The following ITGA4 variants were observed in gnomAD, a reference collection of about 807,000 sequenced individuals.
The protein encoded by ITGA4 is integrin alpha-4.
A neutral mutation model predicts 133.6 loss-of-function variants in ITGA4; 63 were observed. That is an observed-to-expected ratio of 0.47 (90% CI 0.38 to 0.58). ITGA4 has a LOEUF of 0.58. Among genes scored for constraint, ITGA4 ranks in the 20% least tolerant of loss-of-function variants. ITGA4 has a pLI of 0.00. For missense variants in ITGA4, 1,076 were observed against 1,252.7 expected (o/e 0.86, Z 2.13); for synonymous variants, 483 against 438.0 (o/e 1.10, Z -1.28).
chr2:181,502,026 CAGAGG>C (rs939945747), intron 15 of ITGA4, among the ~76,000 whole-genome samples: 13 of 151,830 alleles, frequency 8.6e-5, no homozygotes, highest in African/African-American at 3.1e-4. Context: ...AAGAGGCCCA[CAGAGG>C]AGATAAGAAG....
At chr2:181,488,659 T>C (rs371410813) in intron 10 of ITGA4, among the ~76,000 whole-genome samples, 381 of 151,840 alleles carry the variant, frequency 2.5e-3, no homozygotes, top group East Asian at 0.018. Flanking sequence ...CCCGGGTTCA[T>C]GCCATTCTCC....
intron 2 of ITGA4, among the ~76,000 whole-genome samples, chr2:181,466,104 G>A (rs913977311): frequency 6.6e-6 from 1 of 151,980 alleles, no homozygotes; most frequent in African/African-American, 2.4e-5. Flanking sequence ...CGTTTTCTGT[G>A]GGATTTTGAA....
At chr2:181,488,781 A>G (rs1283055027) in intron 10 of ITGA4, among the ~76,000 whole-genome samples, 2 of 152,078 alleles carry the variant, frequency 1.3e-5, no homozygotes, top group Non-Finnish European at 2.9e-5. Flanking sequence ...GATGGTCTCT[A>G]TCTCCTGACC....
intron 21 of ITGA4, among the ~76,000 whole-genome samples, chr2:181,526,513 A>G (rs1686832402): frequency 6.6e-6 from 1 of 152,210 alleles, no homozygotes; most frequent in Non-Finnish European, 1.5e-5. Flanking sequence ...CTTGTATTGT[A>G]ACAAAAAATT....
chr2:181,472,852 T>C (rs1470378931), intron 2 of ITGA4, among the ~76,000 whole-genome samples: 2 of 152,176 alleles, frequency 1.3e-5, no homozygotes, highest in Non-Finnish European at 2.9e-5. Flanking sequence ...CATCCCTTCC[T>C]TTCTCAAGTT....
intron 2 of ITGA4, among the ~76,000 whole-genome samples, chr2:181,464,943 AATC>A (rs1394483410): frequency 6.6e-6 from 1 of 152,170 alleles, no homozygotes; most frequent in Admixed American, 6.6e-5. Context: ...AATTTTTAAA[AATC>A]ATAGAAAATC....
rs567050177 is a variant in ITGA4, at chr2:181,535,707, G to A, written c.*180G>A. The A allele has an allele frequency of 1.5e-6, 1 of 652,514 alleles. No individual in the cohort carries two copies. The highest frequency in any genetic ancestry group is 3.0e-5 in the South Asian group (1 of 32,974). 40.4% of individuals were successfully genotyped at this position (652,514 alleles called of 1,614,324 possible). A position where few individuals can be genotyped will look rare whatever the true frequency, so the allele number is the denominator to read the frequency against. On this transcript the variant is annotated 3_prime_UTR_variant, in exon 28 of 28. Coordinates refer to ENST00000397033, the MANE Select transcript of ITGA4 (RefSeq NM_000885.6). ...GCAATGATTACTCTTTGAGATAGAA[G>A]AACTGCAAAGGTAATAATACAGCCA...
intron 16 of ITGA4, among the ~76,000 whole-genome samples, chr2:181,511,226 C>A (rs1686501038): frequency 6.6e-6 from 1 of 151,908 alleles, no homozygotes. Flanking sequence ...TAATTTTGTT[C>A]AATATTTCCT....
intron 2 of ITGA4, among the ~76,000 whole-genome samples, chr2:181,465,658 T>C (rs1050337279): frequency 6.6e-6 from 1 of 152,188 alleles, no homozygotes; most frequent in South Asian, 2.1e-4. Flanking sequence ...TATTTTCTAA[T>C]GTTAGAGGTT....
At chr2:181,500,956 G>A (rs1239775857) in intron 15 of ITGA4, among the ~76,000 whole-genome samples, 1 of 152,172 alleles carries the variant, frequency 6.6e-6, no homozygotes, top group Non-Finnish European at 1.5e-5. Flanking sequence ...GTACAGAAAT[G>A]TGCAGTGCTG....
intron 2 of ITGA4, among the ~76,000 whole-genome samples, chr2:181,473,264 T>A (rs1311598520): frequency 2.0e-5 from 3 of 152,268 alleles, no homozygotes; most frequent in African/African-American, 7.2e-5. Context: ...GTCAGATCAG[T>A]GGTGGCATTA....
chr2:181,528,461 G>T (rs1686877777), intron 22 of ITGA4, among the ~76,000 whole-genome samples: 1 of 152,192 alleles, frequency 6.6e-6, no homozygotes, highest in Non-Finnish European at 1.5e-5. Context: ...TGTAGTGACT[G>T]GCACTGGAGA....
At chr2:181,517,848 T>C (rs1240442323) in intron 17 of ITGA4, among the ~76,000 whole-genome samples, 1 of 152,086 alleles carries the variant, frequency 6.6e-6, no homozygotes, top group African/African-American at 2.4e-5. Flanking sequence ...ATGCAGTGCT[T>C]TCACCTTCTG....
rs1685181971 is a variant in ITGA4, at chr2:181,458,266, A to G, written c.268A>G (p.Arg90Gly). Residue 90 changes from arginine (R) to glycine (G), a missense_variant, in exon 2 of 28, where the codon AGA becomes GGA. Coordinates refer to ENST00000397033, the MANE Select transcript of ITGA4 (RefSeq NM_000885.6). ...ASVINPGAIY[R>G]CRIGKNPGQT... is the part of the protein sequence containing the mutation. ...AGTGATCAATCCCGGGGCGATTTACAGATGCAGGATCGGAAAGAATCCCGG... is the reference window on the plus strand; with the variant it reads ...AGTGATCAATCCCGGGGCGATTTACGGATGCAGGATCGGAAAGAATCCCGG... The G allele has an allele frequency of 6.2e-7, 1 of 1,613,316 alleles. No individual in the cohort carries two copies. Among genetic ancestry groups the G allele is most frequent in the African/African-American group, 1.3e-5 (1 of 74,918 alleles).
chr2:181,534,777 TTTTTGG>T (rs1687020929), intron 26 of ITGA4, 33 bp from the exon 27 acceptor site: 1 of 1,541,066 alleles, frequency 6.5e-7, no homozygotes, highest in African/African-American at 1.4e-5. Context: ...CTGATTTTTT[TTTTTGG>T]TTTTTGAGTT....
chr2:181,482,642 C>T lies in ITGA4; in HGVS notation c.1032C>T (p.Asn344=), dbSNP rs201247194. 33 of 1,613,492 alleles carry T rather than the reference C, an allele frequency of 2.0e-5. No homozygotes were observed. Among genetic ancestry groups the T allele is most frequent in the Non-Finnish European group, 2.5e-5 (29 of 1,179,648 alleles). Reference sequence around the variant, plus strand: ...AAGGAAGAGTGTTTGTGTACATCAACTCTGGCTCGGTATGTCCAAGTGCCC... The same window carrying T: ...AAGGAAGAGTGTTTGTGTACATCAATTCTGGCTCGGTATGTCCAAGTGCCC... The part of the protein sequence containing the change: ...REEGRVFVYI[N]SGSGAVMNAM... The change falls in exon 9 of 28, where the codon AAC becomes AAT. Residue 344 remains asparagine, a synonymous_variant. Coordinates refer to ENST00000397033, the MANE Select transcript of ITGA4 (RefSeq NM_000885.6).
At chr2:181,460,267 T>C (rs2105709106) in intron 2 of ITGA4, among the ~76,000 whole-genome samples, 1 of 152,328 alleles carries the variant, frequency 6.6e-6, no homozygotes, top group East Asian at 1.9e-4. Flanking sequence ...ATAGTGATAG[T>C]AATGCCTTGA....
chr2:181,480,550 TTCTATC>T, intron 6 of ITGA4, among the ~76,000 whole-genome samples: 1 of 152,284 alleles, frequency 6.6e-6, no homozygotes, highest in South Asian at 2.1e-4. Context: ...ACTAGTAAGT[TTCTATC>T]TCTATGTAGT....
chr2:181,511,993 A>G (rs1686515760), intron 17 of ITGA4, among the ~76,000 whole-genome samples: 2 of 152,122 alleles, frequency 1.3e-5, no homozygotes, highest in Non-Finnish European at 2.9e-5. Flanking sequence ...AAAAAGGAAT[A>G]AACTATCTTG....
Sources: gnomAD v4.1 joint callset for allele counts (sites outside exome capture counted in the v4.1 genomes callset) on GRCh38, gnomAD v4.1.1 for gene constraint, MANE v1.5 for transcripts, NCBI Gene and HGNC (gene_info 2026-07-23, HGNC 2026-07-21) for gene names.